Variants in STXBP5L observed in about 807,000 individuals in gnomAD.
STXBP5L encodes the protein syntaxin binding protein 5L, also known as syntaxin-binding protein 5-like.
Under a neutral mutation model 144.5 loss-of-function variants are expected in STXBP5L, and 65 were observed. That is an observed-to-expected ratio of 0.45 (90% CI 0.37 to 0.55). The LOEUF is 0.55. Ranked by LOEUF, STXBP5L falls within the 20% of genes least tolerant of loss-of-function variation. STXBP5L has a pLI of 0.00. For missense variants in STXBP5L, 1,298 were observed against 1,405.5 expected (o/e 0.92, Z 1.22); for synonymous variants, 505 against 469.6 (o/e 1.08, Z -0.97).
intron 15 of STXBP5L, among the ~76,000 whole-genome samples, chr3:121,252,809 T>C (rs185422421): frequency 2.2e-4 from 33 of 152,340 alleles, no homozygotes; most frequent in Middle Eastern, 3.4e-3. Flanking sequence ...CTGGGTCCTT[T>C]GCTCAGGGTG....
chr3:121,423,035 G>A lies in STXBP5L; in HGVS notation c.*3938G>A, dbSNP rs1282178871. On this transcript the variant is annotated 3_prime_UTR_variant, in exon 27 of 27. Coordinates refer to ENST00000471454, the MANE Select transcript of STXBP5L (RefSeq NM_001308330.2). ...AAGTAAGCTAAAAATCCTCTCCTTGGCTTAGGATCATTGGGTCAAACTGGG... is the reference window on the plus strand; with the variant it reads ...AAGTAAGCTAAAAATCCTCTCCTTGACTTAGGATCATTGGGTCAAACTGGG... 1 of 152,066 alleles carries A rather than the reference G, an allele frequency of 6.6e-6. No homozygotes were observed. The highest frequency in any genetic ancestry group is 1.5e-5 in the Non-Finnish European group (1 of 68,016). 9.4% of individuals were successfully genotyped at this position (152,066 alleles called of 1,614,324 possible). A position where few individuals can be genotyped will look rare whatever the true frequency, so the allele number is the denominator to read the frequency against.
chr3:121,321,185 C>G (rs1384177278), intron 20 of STXBP5L, among the ~76,000 whole-genome samples: 1 of 152,164 alleles, frequency 6.6e-6, no homozygotes, highest in Non-Finnish European at 1.5e-5. Context: ...ACAGGTCCCA[C>G]TCTTCTTTAG....
intron 18 of STXBP5L, among the ~76,000 whole-genome samples, chr3:121,278,814 A>C (rs1227766257): frequency 6.6e-6 from 1 of 151,714 alleles, no homozygotes; most frequent in Non-Finnish European, 1.5e-5. Context: ...AGATCTGACC[A>C]GTATAACAAT....
chr3:121,406,241 A>G (rs2046991490), intron 22 of STXBP5L, among the ~76,000 whole-genome samples: 1 of 152,084 alleles, frequency 6.6e-6, no homozygotes, highest in Admixed American at 6.6e-5. Flanking sequence ...TAAAAACACA[A>G]CTAAGATATT....
chr3:120,940,079 A>G (rs1559890240), intron 2 of STXBP5L, among the ~76,000 whole-genome samples: 1 of 152,078 alleles, frequency 6.6e-6, no homozygotes, highest in Non-Finnish European at 1.5e-5. Context: ...AAGCCAAATT[A>G]TTTTCTATGA....
At chr3:121,255,139 C>A in intron 16 of STXBP5L, 27 bp downstream of exon 16, 1 of 1,510,048 alleles carries the variant, frequency 6.6e-7, no homozygotes, top group Non-Finnish European at 8.9e-7. Context: ...TTAACTTTCA[C>A]TTTTACAGTT....
chr3:120,980,428 A>G (rs1941630530), intron 3 of STXBP5L, among the ~76,000 whole-genome samples: 1 of 148,516 alleles, frequency 6.7e-6, no homozygotes, highest in South Asian at 2.1e-4. Flanking sequence ...TTTCTTGTTG[A>G]ATTTATCACT....
chr3:121,316,214 G>A (rs187258157), intron 19 of STXBP5L, among the ~76,000 whole-genome samples: 5 of 152,180 alleles, frequency 3.3e-5, no homozygotes, highest in East Asian at 3.9e-4. Context: ...GTTTTGACAC[G>A]TTGTAAATTG....
intron 20 of STXBP5L, among the ~76,000 whole-genome samples, chr3:121,336,232 C>G (rs767530040): frequency 1.3e-5 from 2 of 152,172 alleles, no homozygotes; most frequent in Non-Finnish European, 2.9e-5. Flanking sequence ...CCTGGTGGCT[C>G]ATGCCTGTAG....
intron 18 of STXBP5L, among the ~76,000 whole-genome samples, chr3:121,271,342 G>C (rs554743385): frequency 6.6e-6 from 1 of 152,192 alleles, no homozygotes; most frequent in South Asian, 2.1e-4. Context: ...ATGTCCTTTT[G>C]ATATGTTCCC....
chr3:121,228,345 T>C (rs1486794823), intron 11 of STXBP5L, among the ~76,000 whole-genome samples: 1 of 152,146 alleles, frequency 6.6e-6, no homozygotes, highest in Non-Finnish European at 1.5e-5. Flanking sequence ...GCATATGAAG[T>C]TCTGGTTACA....
intron 9 of STXBP5L, among the ~76,000 whole-genome samples, chr3:121,170,850 C>T (rs945009122): frequency 2.6e-5 from 4 of 152,144 alleles, no homozygotes; most frequent in Admixed American, 6.5e-5. Context: ...ATGAGGCCAG[C>T]GTCATCCTGA....
chr3:120,964,769 T>A (rs1343697256), intron 3 of STXBP5L, among the ~76,000 whole-genome samples: 1 of 152,218 alleles, frequency 6.6e-6, no homozygotes, highest in Non-Finnish European at 1.5e-5. Flanking sequence ...TGGAGAGTTC[T>A]GTAGATGTCT....
At chr3:121,031,461 G>A (rs1423482924) in intron 3 of STXBP5L, among the ~76,000 whole-genome samples, 1 of 151,924 alleles carries the variant, frequency 6.6e-6, no homozygotes, top group Non-Finnish European at 1.5e-5. Flanking sequence ...CAACTATGGA[G>A]GCTGGCAAAT....
chr3:121,051,791 A>C (rs1948022084), intron 5 of STXBP5L, among the ~76,000 whole-genome samples: 1 of 152,184 alleles, frequency 6.6e-6, no homozygotes, highest in African/African-American at 2.4e-5. Context: ...AAATTAATGA[A>C]GCCAGGAGCT....
rs560838143 is a variant in STXBP5L at position 121,004,297 on chromosome 3, A to C, written c.288-37403A>C. 1.2e-4 allele frequency among the ~76,000 whole-genome samples: 18 copies of C among 151,214 alleles called. No homozygotes were observed. The South Asian group carries it at 3.7e-3, about 32-fold the overall frequency. On this transcript the variant is annotated intron_variant, in intron 3 of 26. Transcript: ENST00000471454. ...TGTAAGTTGGATTCCTAGGTATTTT[A>C]TTCTCTTTGAAGCAATTGTGAATGG...
chr3:121,345,602 T>C (rs1329778443), intron 20 of STXBP5L, among the ~76,000 whole-genome samples: 1 of 152,096 alleles, frequency 6.6e-6, no homozygotes, highest in African/African-American at 2.4e-5. Context: ...CCACAATGGT[T>C]GAACTAATTT....
chr3:120,908,695 C>A (rs1477838293), intron 1 of STXBP5L, among the ~76,000 whole-genome samples: 1 of 151,556 alleles, frequency 6.6e-6, no homozygotes. Flanking sequence ...CCGCAGCCGT[C>A]GCCGCCACCG....
intron 20 of STXBP5L, among the ~76,000 whole-genome samples, chr3:121,378,129 T>C (rs1309620522): frequency 7.1e-6 from 1 of 140,666 alleles, no homozygotes; most frequent in African/African-American, 2.7e-5. Context: ...TGAAAACACA[T>C]GGTCACAGGG....
Sources: gnomAD v4.1 joint callset for allele counts (sites outside exome capture counted in the v4.1 genomes callset) on GRCh38, gnomAD v4.1.1 for gene constraint, MANE v1.5 for transcripts, NCBI Gene and HGNC (gene_info 2026-07-23, HGNC 2026-07-21) for gene names.